NPC1: variants seen among roughly 807,000 people sequenced by gnomAD.
NPC1 encodes Niemann-Pick C1 protein.
In NPC1, 85 loss-of-function variants were observed where a neutral mutation model predicts 140.4. That is an observed-to-expected ratio of 0.61 (90% CI 0.51 to 0.72). The LOEUF is 0.72. NPC1 is among the 30% of genes least tolerant of loss of function. The pLI is 0.00. For synonymous variants in NPC1, 656 were observed against 624.8 expected (o/e 1.05, Z -0.74); for missense variants, 1,504 against 1,623.8 (o/e 0.93, Z 1.27).
intron 11 of NPC1, among the ~76,000 whole-genome samples, chr18:23,546,248 CAAAAAAAAAAAA>C (rs60021403): frequency 2.0e-4 from 9 of 45,550 alleles, no homozygotes; most frequent in Non-Finnish European, 2.8e-4. Flanking sequence ...GACTCTGTCT[CAAAAAAAAAAAA>C]AAAAAAAAAA....
intron 1 of NPC1, among the ~76,000 whole-genome samples, chr18:23,579,050 A>T (rs1210375003): frequency 6.6e-6 from 1 of 151,686 alleles, no homozygotes; most frequent in Non-Finnish European, 1.5e-5. Context: ...CAGACACCTC[A>T]CTCTGGCTCT....
chr18:23,516,506 G>A (rs781634271), intron 3 of NPC1: 5 of 1,389,342 alleles, frequency 3.6e-6, no homozygotes, highest in African/African-American at 2.9e-5. Flanking sequence ...CAAGCACCAC[G>A]TGATGCCCTG....
At chr18:23,569,443 C>T (rs866340855) in intron 3 of NPC1, among the ~76,000 whole-genome samples, 1 of 152,286 alleles carries the variant, frequency 6.6e-6, no homozygotes, top group South Asian at 2.1e-4. Flanking sequence ...CCACCTCAGC[C>T]TCCCAAGTAG....
intron 11 of NPC1, 56 bp from the exon 12 acceptor site, chr18:23,545,205 G>C: frequency 7.8e-7 from 1 of 1,288,244 alleles, no homozygotes; most frequent in South Asian, 1.2e-5. Context: ...AGCTAAGTAA[G>C]AAACTTCTCC....
chr18:23,530,214 A>G (rs1269254598), downstream of NPC1: 3 of 1,614,182 alleles, frequency 1.9e-6, no homozygotes, highest in Middle Eastern at 1.6e-4. Context: ...AAGTGGGTCT[A>G]AAAATGTCTT....
downstream of NPC1, chr18:23,529,787 A>T (rs2058434152): frequency 2.9e-6 from 4 of 1,399,320 alleles, no homozygotes; most frequent in Non-Finnish European, 3.0e-6. Context: ...GTCTTAGAAG[A>T]TGACTCATAT....
At position 23,535,621 on chromosome 18, in the gene NPC1, T is replaced by C. The variant is rs368642053; in HGVS notation, c.3325A>G (p.Ile1109Val). 2.5e-6 allele frequency: 4 copies of C among 1,613,914 alleles called. No individual in the cohort carries two copies. The highest frequency in any genetic ancestry group is 1.3e-5 in the African/African-American group (1 of 74,838). ...IFNLGVSLGA[I>V]FLVTMVLLGC... ...AGGAGGACCATGGTCACCAGAAATA[T>C]CGCGCCCAGGGACACACCGAGGTTG... The change falls in exon 22 of 25, where the codon ATA becomes GTA. Residue 1109 changes from isoleucine to valine, a missense_variant. By Grantham distance (29) the Ile-to-Val change is conservative. Transcript: ENST00000269228.
chr18:23,523,249 A>T (rs529543625), intron 1 of NPC1, among the ~76,000 whole-genome samples: 12 of 152,208 alleles, frequency 7.9e-5, no homozygotes, highest in African/African-American at 2.9e-4. Context: ...GGGTAATTGG[A>T]ACAGAACCAG....
At chr18:23,551,563 G>T in intron 10 of NPC1, 64 bp downstream of exon 10, 1 of 1,195,052 alleles carries the variant, frequency 8.4e-7, no homozygotes, top group Non-Finnish European at 1.3e-6. Flanking sequence ...ATTACCACTT[G>T]ATGCTAATGA....
In NPC1 at chr18:23,544,357, A is replaced by G. The variant is rs112101747; in HGVS notation, c.2117T>C (p.Val706Ala). The change falls in exon 13 of 25, where the codon GTG (valine) becomes GCG (alanine). Residue 706 changes from valine to alanine, a missense_variant. Val to Ala is a moderately conservative substitution (Grantham distance 64). Transcript: ENST00000269228. Reference sequence around the variant, plus strand: ...ATGGAAGTATACCTGGTAGGCCTGCACCAGAATGAAGATGTTGTCCACTCC... The same window carrying G: ...ATGGAAGTATACCTGGTAGGCCTGCGCCAGAATGAAGATGTTGTCCACTCC... Reference protein sequence around the residue: ...AVGVDNIFILVQAYQRDERLQ... With the variant: ...AVGVDNIFILAQAYQRDERLQ... The G allele has an allele frequency of 1.2e-6, 2 of 1,614,168 alleles. No individual in the cohort carries two copies. Among genetic ancestry groups the G allele is most frequent in the Admixed American group, 3.3e-5 (2 of 60,034 alleles).
intron 4 of NPC1, among the ~76,000 whole-genome samples, chr18:23,562,684 C>T (rs2059061086): frequency 6.6e-6 from 1 of 152,018 alleles, no homozygotes; most frequent in African/African-American, 2.4e-5. Flanking sequence ...TCTCTATTTG[C>T]TTTTAAGATA....
At chr18:23,552,331 T>C (rs926008168) in intron 9 of NPC1, among the ~76,000 whole-genome samples, 1 of 152,126 alleles carries the variant, frequency 6.6e-6, no homozygotes, top group Non-Finnish European at 1.5e-5. Flanking sequence ...AGATGTCCTG[T>C]CCTAGAGCAT....
At chr18:23,543,331 A>AG (rs1012238727) in intron 14 of NPC1, 124 bp downstream of exon 14, 27 of 567,994 alleles carry the variant, frequency 4.8e-5, no homozygotes, top group Admixed American at 1.0e-4. Flanking sequence ...TCCGTCTCAG[A>AG]GAAAAAAAAA....
downstream of NPC1, chr18:23,529,993 G>A: frequency 1.3e-6 from 2 of 1,549,350 alleles, no homozygotes; most frequent in Non-Finnish European, 1.8e-6. Flanking sequence ...TGAATGATTT[G>A]GAAGTGTTCT....
chr18:23,521,951 G>T (rs11872656), downstream of NPC1, among the ~76,000 whole-genome samples: 1 of 152,184 alleles, frequency 6.6e-6, no homozygotes, highest in African/African-American at 2.4e-5. Flanking sequence ...TGTGCAAGAC[G>T]TAGTCAGATG....
rs116181953 is a variant in NPC1, at chr18:23,580,479, T to G, written c.57+5808A>C. On this transcript the variant is annotated intron_variant, in intron 1 of 24. Transcript: ENST00000269228. ...CCTCCCATTCCTATCTTTTAAAGTA[T>G]CTCTCTAGGCAGTTGTCAAGCAATG... Among the ~76,000 whole-genome samples, 43 of 152,198 alleles carry G rather than the reference T, an allele frequency of 2.8e-4. 1 individual carries two copies. Among genetic ancestry groups the G allele is most frequent in the Non-Finnish European group, 1.5e-5 (1 of 68,040 alleles).
intron 23 of NPC1, 168 bp downstream of exon 23, chr18:23,534,278 C>T (rs1488614587): frequency 2.9e-6 from 2 of 684,818 alleles, no homozygotes; most frequent in East Asian, 2.7e-5. Context: ...GGTACAGTTC[C>T]ACAGAACGTC....
In NPC1 at chr18:23,586,470, T is replaced by C. The variant is rs958609417; in HGVS notation, c.-127A>G. The C allele has an allele frequency of 1.4e-6, 2 of 1,458,026 alleles. No homozygotes were observed. Among genetic ancestry groups the C allele is most frequent in the Non-Finnish European group, 1.8e-6 (2 of 1,111,934 alleles). The allele number at this position is 1,458,026 out of a possible 1,614,324, so 90.3% of individuals were successfully genotyped here. A position where few individuals can be genotyped will look rare whatever the true frequency, so the allele number is the denominator to read the frequency against. On this transcript the variant is annotated 5_prime_UTR_variant, in exon 1 of 25. Transcript: ENST00000269228. Reference sequence around the variant, plus strand: ...GGAGCGGAGGAGCAGGAGCAGGCGCTGACCGCGGCAGCAGGCTGCGCGCGC... The same window carrying C: ...GGAGCGGAGGAGCAGGAGCAGGCGCCGACCGCGGCAGCAGGCTGCGCGCGC...
At chr18:23,519,139 G>A, downstream of NPC1, 1 of 1,614,176 alleles carries the variant, frequency 6.2e-7, no homozygotes, top group Non-Finnish European at 8.5e-7. Context: ...GAACGTGGTG[G>A]ACAACCTGGT....
Sources: allele counts gnomAD v4.1 joint callset (sites outside exome capture counted in the v4.1 genomes callset), GRCh38; gene constraint gnomAD v4.1.1; transcripts MANE v1.5; gene names NCBI Gene and HGNC (gene_info 2026-07-23, HGNC 2026-07-21).